Variants in PLP1 observed in about 807,000 individuals in gnomAD.
The protein encoded by PLP1 is proteolipid protein 1, also known as myelin proteolipid protein.
PLP1 carries 2 observed loss-of-function variants against 18.5 expected under a neutral mutation model. The ratio of observed to expected loss-of-function variants is 0.11; its 90% CI spans 0.04 to 0.34. The LOEUF (loss-of-function observed/expected upper bound fraction) is 0.34. PLP1 is among the 10% of genes least tolerant of loss of function. The pLI is 1.00. For synonymous variants in PLP1, 86 were observed against 83.2 expected, an observed-to-expected ratio of 1.03 and a Z score of -0.19; for missense variants, 105 against 207.3, an observed-to-expected ratio of 0.51 and a Z score of 3.03.
At chrX:103,780,727 C>G (rs1356330879) in intron 1 of PLP1, 2 of 112,367 alleles carry the variant, frequency 1.8e-5, no homozygotes, top group African/African-American at 6.5e-5. Context: ...AGGGCATTGT[C>G]TGACCAGGAC....
At chrX:103,782,207 G>A (rs1330624336) in intron 1 of PLP1, among the ~76,000 whole-genome samples, 1 of 112,202 alleles carries the variant, frequency 8.9e-6, no homozygotes, top group Non-Finnish European at 1.9e-5. Context: ...GTTGTGAAGA[G>A]ATGAACATCT....
chrX:103,782,820 G>A (rs1048100145), intron 1 of PLP1, among the ~76,000 whole-genome samples: 5 of 111,222 alleles, frequency 4.5e-5, no homozygotes, highest in South Asian at 3.8e-4. Context: ...GCAGGCCCCT[G>A]TGGAATACCA....
Position 103,786,684 on chromosome X carries a change from G to T in PLP1, c.411G>T (p.Arg137=). The T allele has an allele frequency of 8.3e-7, 1 of 1,211,340 alleles. No homozygotes were observed. The highest frequency in any genetic ancestry group is 1.1e-6 in the Non-Finnish European group (1 of 895,123). Residue 137 remains arginine, a synonymous_variant, in exon 3 of 7, where the codon CGG becomes CGT. Coordinates refer to ENST00000621218, the MANE Select transcript of PLP1 (RefSeq NM_000533.5). The part of the protein sequence containing the change: ...RGQHQAHSLE[R]VCHCLGKWLG... ...AACATCAAGCTCATTCTTTGGAGCG[G>T]GTGTGTCATTGTTTGGGAAAATGGC...
rs1328774826 is a variant in PLP1 at position 103,787,778 on chromosome X, C to T, written c.454-20C>T. ...GCAGGCTGATGCTGATTTCTAACCA[C>T]CCCATGTCAATCATTTTAGTTTGTG... On this transcript the variant is annotated intron_variant, in intron 3 of 6. Coordinates refer to ENST00000621218, the MANE Select transcript of PLP1 (RefSeq NM_000533.5). The T allele has an allele frequency of 5.0e-6, 6 of 1,195,444 alleles. No individual in the cohort carries two copies. The highest frequency in any genetic ancestry group is 6.8e-6 in the Non-Finnish European group (6 of 882,478).
Position 103,790,387 on chromosome X carries a change from G to A in PLP1, c.763-140G>A, listed in dbSNP as rs2074535042. ...ATATGGAGAAAGCCAAGCCTGGGATGTACTGCTTTTTGCAGAGCATGGGTT... is the reference window on the plus strand; with the variant it reads ...ATATGGAGAAAGCCAAGCCTGGGATATACTGCTTTTTGCAGAGCATGGGTT... On this transcript the variant is annotated intron_variant, in intron 6 of 6. Coordinates refer to ENST00000621218, the MANE Select transcript of PLP1 (RefSeq NM_000533.5). 1.4e-5 allele frequency: 8 copies of A among 564,287 alleles called. No individual in the cohort carries two copies. In the East Asian group the frequency reaches 2.6e-4, roughly 18 times the overall value. 46.5% of individuals were successfully genotyped at this position (564,287 alleles called of 1,213,427 possible). A position where few individuals can be genotyped will look rare whatever the true frequency, so the allele number is the denominator to read the frequency against.
At chrX:103,781,409 T>C (rs1396725997) in intron 1 of PLP1, 14 of 263,636 alleles carry the variant, frequency 5.3e-5, no homozygotes, top group Non-Finnish European at 9.9e-5. Flanking sequence ...TTGATTAGAC[T>C]TGTTTTGGGA....
chrX:103,781,273 G>T (rs2074451776), intron 1 of PLP1: 1 of 322,448 alleles, frequency 3.1e-6, no homozygotes, highest in African/African-American at 2.7e-5. Context: ...GACAGCATCA[G>T]GATCAACACA....
At position 103,786,540 on chromosome X, in the gene PLP1, G is replaced by A. The variant is rs11543024; in HGVS notation, c.267G>A (p.Glu89=). 5.0e-6 allele frequency: 6 copies of A among 1,209,056 alleles called. No individual in the cohort carries two copies. The highest frequency in any genetic ancestry group is 5.6e-6 in the Non-Finnish European group (5 of 894,777). ...TTTATGGGGCCCTCCTGCTGGCTGAGGGCTTCTACACCACCGGCGCAGTCA... is the reference window on the plus strand; with the variant it reads ...TTTATGGGGCCCTCCTGCTGGCTGAAGGCTTCTACACCACCGGCGCAGTCA... The part of the protein sequence containing the change: ...FFLYGALLLA[E]GFYTTGAVRQ... The change falls in exon 3 of 7, where the codon GAG becomes GAA. Residue 89 remains glutamate (E), a synonymous_variant. Coordinates refer to ENST00000621218, the MANE Select transcript of PLP1 (RefSeq NM_000533.5).
chrX:103,784,823 A>G (rs1403392352), intron 1 of PLP1, among the ~76,000 whole-genome samples: 1 of 111,971 alleles, frequency 8.9e-6, no homozygotes, highest in Non-Finnish European at 1.9e-5. Flanking sequence ...AGACTCCCAT[A>G]TGGCAGAGTC....
At chrX:103,778,925 A>G (rs2074431341) in intron 1 of PLP1, among the ~76,000 whole-genome samples, 1 of 112,107 alleles carries the variant, frequency 8.9e-6, no homozygotes, top group Non-Finnish European at 1.9e-5. Context: ...CCAACCTTCA[A>G]TGCGGGATTC....
chrX:103,786,103 T>C (rs941190417), intron 2 of PLP1: 9 of 1,070,078 alleles, frequency 8.4e-6, no homozygotes, highest in Non-Finnish European at 9.7e-6. Context: ...AAGCCTCTCC[T>C]GTTCCTAGAA....
rs2074522863 is a variant in PLP1 at position 103,789,083 on chromosome X, C to T, written c.697-250C>T. 1.2e-5 allele frequency: 5 copies of T among 415,762 alleles called. No homozygotes were observed. In the South Asian group the frequency reaches 1.4e-4, roughly 12 times the overall value. The allele number at this position is 415,762 out of a possible 1,213,427, so 34.3% of individuals were successfully genotyped here. On this transcript the variant is annotated intron_variant, in intron 5 of 6. Transcript: ENST00000621218. ...GGCCCCTGGGCACAACTGTAGGGAACCAGTTAATTATTTTGGAGTACTGTA... is the reference window on the plus strand; with the variant it reads ...GGCCCCTGGGCACAACTGTAGGGAATCAGTTAATTATTTTGGAGTACTGTA...
Sources: gnomAD v4.1 joint callset for allele counts (sites outside exome capture counted in the v4.1 genomes callset) on GRCh38, gnomAD v4.1.1 for gene constraint, MANE v1.5 for transcripts, NCBI Gene and HGNC (gene_info 2026-07-23, HGNC 2026-07-21) for gene names.